Variants in TEX11 observed in about 807,000 individuals in gnomAD.
TEX11 encodes testis-expressed protein 11.
Under a neutral mutation model 84.4 loss-of-function variants are expected in TEX11, and 7 were observed. That is an observed-to-expected ratio of 0.08 (90% CI 0.05 to 0.16). TEX11 has a LOEUF of 0.16. TEX11 is among the 10% of genes least tolerant of loss of function. The pLI, the probability that TEX11 is intolerant of heterozygous loss-of-function variation, is 1.00. For synonymous variants in TEX11, 264 were observed against 222.8 expected (o/e 1.18, Z -1.64); for missense variants, 551 against 660.5 (o/e 0.83, Z 1.82).
At chrX:70,647,672 AT>A (rs149020770) in intron 17 of TEX11, among the ~76,000 whole-genome samples, 43,647 of 105,604 alleles carry the variant, frequency 0.41, 7,555 homozygotes, top group East Asian at 0.58. Flanking sequence ...CTTCAAAAAA[AT>A]AAAAAATAAA....
chrX:70,852,377 T>C lies in TEX11; in HGVS notation c.525+657A>G, dbSNP rs556154003. 1.2e-4 allele frequency among the ~76,000 whole-genome samples: 13 copies of C among 111,347 alleles called. No homozygotes were observed. In the South Asian group the frequency reaches 5.0e-3, roughly 43 times the overall value. On this transcript the variant is annotated intron_variant, in intron 7 of 29. Transcript: ENST00000374333. Reference sequence around the variant, plus strand: ...TTTCACTTTTATTTTTTGGTAGAGATGGGGGTCTTACTATGCTGCCCAGGT... The same window carrying C: ...TTTCACTTTTATTTTTTGGTAGAGACGGGGGTCTTACTATGCTGCCCAGGT...
chrX:70,907,910 G>A (rs2091842853), intron 1 of TEX11, 100 bp from the exon 2 acceptor site: 4 of 561,391 alleles, frequency 7.1e-6, no homozygotes, highest in Admixed American at 3.4e-5. Context: ...TATCCAAAGG[G>A]AGAAAAAAAG....
intron 3 of TEX11, among the ~76,000 whole-genome samples, chrX:70,875,584 CAAAAA>C (rs34342977): frequency 1.7e-5 from 1 of 60,078 alleles, no homozygotes. Context: ...ACTAAAAATA[CAAAAA>C]AAAAAAAAAA....
At position 70,551,990 on chromosome X, in the gene TEX11, T is replaced by C. The variant is rs2088220587; in HGVS notation, c.2520+136A>G. The C allele has an allele frequency of 4.2e-6, 3 of 720,694 alleles. No homozygotes were observed. The African/African-American group carries it at 6.7e-5, about 16-fold the overall frequency. The allele number at this position is 720,694 out of a possible 1,213,427, so 59.4% of individuals were successfully genotyped here. A position where few individuals can be genotyped will look rare whatever the true frequency, so the allele number is the denominator to read the frequency against. On this transcript the variant is annotated intron_variant, in intron 28 of 29. Coordinates refer to ENST00000374333, the MANE Select transcript of TEX11 (RefSeq NM_031276.3). ...TCAGAAACCCAGGAAAATTCTGTAG[T>C]GTGTAACTACAAAATTGTAATATGA...
chrX:70,870,606 A>G (rs1000126672), intron 4 of TEX11, among the ~76,000 whole-genome samples: 2 of 111,714 alleles, frequency 1.8e-5, no homozygotes, highest in Admixed American at 1.9e-4. Flanking sequence ...AAGTGCTGGG[A>G]TTACAGGCGT....
intron 9 of TEX11, among the ~76,000 whole-genome samples, chrX:70,795,692 G>A (rs1199116265): frequency 9.0e-6 from 1 of 110,829 alleles, no homozygotes; most frequent in Non-Finnish European, 1.9e-5. Flanking sequence ...AAGAGTCTCT[G>A]CTTGGTAATC....
chrX:70,749,177 G>C (rs186037380), intron 9 of TEX11, among the ~76,000 whole-genome samples: 5 of 108,229 alleles, frequency 4.6e-5, no homozygotes, highest in African/African-American at 1.7e-4. Flanking sequence ...TATTCTCTTT[G>C]AAGCAATTTT....
chrX:70,580,635 T>C (rs2088759135), intron 25 of TEX11, among the ~76,000 whole-genome samples: 1 of 112,413 alleles, frequency 8.9e-6, no homozygotes, highest in Non-Finnish European at 1.9e-5. Flanking sequence ...AAGAGTTATG[T>C]CATTTTTGGT....
chrX:70,888,909 G>A (rs1180456520), intron 2 of TEX11, among the ~76,000 whole-genome samples: 1 of 111,164 alleles, frequency 9.0e-6, no homozygotes, highest in African/African-American at 3.3e-5. Context: ...AACCTTATAG[G>A]CCAGGAGAGA....
At chrX:70,792,357 TACACACAC>T (rs1322868836) in intron 9 of TEX11, among the ~76,000 whole-genome samples, 2 of 8,858 alleles carry the variant, frequency 2.3e-4, no homozygotes, top group Non-Finnish European at 3.2e-4. Context: ...TATATATATA[TACACACAC>T]AAATATATAT....
In TEX11 at chrX:70,593,055, TAACA is replaced by T. The variant is rs1156875856; in HGVS notation, c.2068-1236_2068-1233del. 1.6e-4 allele frequency among the ~76,000 whole-genome samples: 12 copies of T among 75,428 alleles called. No homozygotes were observed. The East Asian group carries it at 4.6e-3, about 29-fold the overall frequency. The allele number at this position is 75,428 out of a possible 115,157, so 65.5% of individuals were successfully genotyped here. ...GGGCAATTTATGCACAAGAGCATTT[TAACA>T]CACACACACACACACACACACACAC... On this transcript the variant is annotated intron_variant, in intron 24 of 29. Coordinates refer to ENST00000374333, the MANE Select transcript of TEX11 (RefSeq NM_031276.3).
intron 18 of TEX11, among the ~76,000 whole-genome samples, chrX:70,625,461 A>T (rs1462979061): frequency 9.0e-6 from 1 of 111,478 alleles, no homozygotes; most frequent in African/African-American, 3.3e-5. Flanking sequence ...TCTGCCAAGG[A>T]TGCTGCTTCC....
At chrX:70,525,922 G>A (rs1375687257), downstream of TEX11, among the ~76,000 whole-genome samples, 1 of 111,488 alleles carries the variant, frequency 9.0e-6, no homozygotes, top group African/African-American at 3.3e-5. Context: ...GGCCTGCTTC[G>A]ATGCCATGTG....
At chrX:70,692,268 TG>T (rs1410121678) in intron 13 of TEX11, among the ~76,000 whole-genome samples, 1 of 111,718 alleles carries the variant, frequency 9.0e-6, no homozygotes, top group Non-Finnish European at 1.9e-5. Context: ...TTTTTTCTTT[TG>T]TTTTTTGGTG....
chrX:70,832,860 A>G (rs1042629040), intron 8 of TEX11, among the ~76,000 whole-genome samples: 2 of 111,784 alleles, frequency 1.8e-5, no homozygotes, highest in Non-Finnish European at 3.8e-5. Context: ...ACTGCTATCA[A>G]CCTTGTCAGC....
intron 9 of TEX11, among the ~76,000 whole-genome samples, chrX:70,783,942 T>C (rs758610952): frequency 1.1e-4 from 12 of 110,972 alleles, no homozygotes; most frequent in Non-Finnish European, 2.1e-4. Flanking sequence ...TTCCAATCAA[T>C]AGAAAAAGAG....
chrX:70,713,020 A>G (rs1164051537), intron 13 of TEX11, among the ~76,000 whole-genome samples: 4 of 110,268 alleles, frequency 3.6e-5, no homozygotes, highest in African/African-American at 6.6e-5. Flanking sequence ...AATTTTGTCA[A>G]AGGCCTTTTC....
chrX:70,693,103 T>C (rs776397362), intron 13 of TEX11, among the ~76,000 whole-genome samples: 3 of 111,115 alleles, frequency 2.7e-5, no homozygotes, highest in African/African-American at 9.8e-5. Flanking sequence ...TAGCTGGGCA[T>C]GGTGGTGCAC....
chrX:70,730,222 C>T lies in TEX11; in HGVS notation c.844-4879G>A, dbSNP rs142445469. ...CAAAAACATGCCAAATTGTAAAGAC[C>T]ATCAAGGCTGAACTGCATCAACTAA... On this transcript the variant is annotated intron_variant, in intron 11 of 29. Coordinates refer to ENST00000374333, the MANE Select transcript of TEX11 (RefSeq NM_031276.3). Among the ~76,000 whole-genome samples, 34 of 111,533 alleles carry T rather than the reference C, an allele frequency of 3.0e-4. No homozygotes were observed. The East Asian group carries it at 8.1e-3, about 27-fold the overall frequency.
Sources: allele counts gnomAD v4.1 joint callset (sites outside exome capture counted in the v4.1 genomes callset), GRCh38; gene constraint gnomAD v4.1.1; transcripts MANE v1.5; gene names NCBI Gene and HGNC (gene_info 2026-07-23, HGNC 2026-07-21).